The following DAB1 variants were observed in gnomAD, a reference collection of about 807,000 sequenced individuals.
The protein encoded by DAB1 is disabled homolog 1.
A neutral mutation model predicts 64.6 loss-of-function variants in DAB1; 15 were observed. That is an observed-to-expected ratio of 0.23 (90% confidence interval 0.16 to 0.36). The LOEUF (loss-of-function observed/expected upper bound fraction) is 0.36. Ranked by LOEUF, DAB1 falls within the 10% of genes least tolerant of loss-of-function variation. The probability of loss-of-function intolerance (pLI) is 1.00; values close to 1 mark genes in which losing one functional copy is unlikely to be tolerated. For missense variants in DAB1, 596 were observed against 706.7 expected, an observed-to-expected ratio of 0.84 and a Z score of 1.78; for synonymous variants, 235 against 251.9, an observed-to-expected ratio of 0.93 and a Z score of 0.64.
At chr1:57,005,334 C>G (rs1040333414) in intron 14 of DAB1, among the ~76,000 whole-genome samples, 5 of 152,206 alleles carry the variant, frequency 3.3e-5, no homozygotes, top group Admixed American at 1.3e-4. Flanking sequence ...CACTAATTAT[C>G]TACCATAAGC....
chr1:57,121,946 C>T (rs891207120), intron 4 of DAB1, among the ~76,000 whole-genome samples: 5 of 151,974 alleles, frequency 3.3e-5, no homozygotes, highest in East Asian at 1.9e-4. Flanking sequence ...GGGGGTCAGC[C>T]GGAGATGAGG....
intron 4 of DAB1, among the ~76,000 whole-genome samples, chr1:58,159,080 T>TGA (rs1655372411): frequency 6.6e-6 from 1 of 152,240 alleles, no homozygotes. Context: ...CCCTTGCTAG[T>TGA]GAGCTCAAGC....
intron 1 of DAB1, among the ~76,000 whole-genome samples, chr1:57,881,219 T>C: frequency 6.6e-6 from 1 of 152,216 alleles, no homozygotes; most frequent in East Asian, 1.9e-4. Flanking sequence ...AGTCTCTCCC[T>C]ATCCTAGGGA....
chr1:58,246,664 T>C (rs1032209114), intron 4 of DAB1, among the ~76,000 whole-genome samples: 3 of 152,094 alleles, frequency 2.0e-5, no homozygotes, highest in Non-Finnish European at 4.4e-5. Context: ...GATGTAGGTG[T>C]AATGCTGTGT....
intron 3 of DAB1, among the ~76,000 whole-genome samples, chr1:57,137,931 T>C (rs1658271206): frequency 6.6e-6 from 1 of 152,158 alleles, no homozygotes; most frequent in African/African-American, 2.4e-5. Context: ...TACTCCTGGT[T>C]CTGTATAATC....
chr1:58,469,932 A>G (rs1645337742), intron 3 of DAB1, among the ~76,000 whole-genome samples: 2 of 152,036 alleles, frequency 1.3e-5, no homozygotes, highest in African/African-American at 2.4e-5. Flanking sequence ...CAGCTTCCAC[A>G]GACATCAGGA....
chr1:57,404,448 T>G (rs549362003), intron 1 of DAB1, among the ~76,000 whole-genome samples: 83 of 152,312 alleles, frequency 5.4e-4, no homozygotes, highest in Non-Finnish European at 1.1e-3. Context: ...AAATTAAGAC[T>G]TGGCAAGATT....
At chr1:58,342,764 C>G (rs951787461) in intron 4 of DAB1, among the ~76,000 whole-genome samples, 2 of 152,126 alleles carry the variant, frequency 1.3e-5, no homozygotes, top group African/African-American at 4.8e-5. Context: ...ATTGATTTCA[C>G]CTCCTTTTTA....
At chr1:58,265,594 A>G (rs1032708835) in intron 4 of DAB1, among the ~76,000 whole-genome samples, 2 of 152,258 alleles carry the variant, frequency 1.3e-5, no homozygotes, top group African/African-American at 4.8e-5. Context: ...ATATTACATG[A>G]AAGAATATTA....
chr1:57,225,509 A>G (rs1667196581), intron 2 of DAB1, among the ~76,000 whole-genome samples: 1 of 152,134 alleles, frequency 6.6e-6, no homozygotes, highest in African/African-American at 2.4e-5. Flanking sequence ...ATACATCACA[A>G]CCAGGCCTAT....
intron 1 of DAB1, among the ~76,000 whole-genome samples, chr1:58,535,180 C>T (rs1387452862): frequency 6.6e-6 from 1 of 152,176 alleles, no homozygotes; most frequent in East Asian, 1.9e-4. Context: ...CTGATTAAGA[C>T]TAGCCACCAC....
chr1:57,120,510 A>G (rs1656542268), intron 4 of DAB1, among the ~76,000 whole-genome samples: 1 of 152,180 alleles, frequency 6.6e-6, no homozygotes, highest in African/African-American at 2.4e-5. Context: ...GTTCAGTGGC[A>G]TTAAGTACAT....
At chr1:57,612,795 C>A (rs7532306) in intron 7 of DAB1, among the ~76,000 whole-genome samples, 107,256 of 152,064 alleles carry the variant, frequency 0.71, 39,791 homozygotes, top group Non-Finnish European at 0.81. Flanking sequence ...TCCCCACCCC[C>A]CAACTAGAAT....
intron 1 of DAB1, among the ~76,000 whole-genome samples, chr1:57,306,657 G>A (rs1348697118): frequency 1.3e-5 from 2 of 151,534 alleles, no homozygotes; most frequent in Non-Finnish European, 2.9e-5. Flanking sequence ...ATTTCTGCTT[G>A]CCAAGTACAA....
chr1:57,320,967 A>G (rs1202454987), intron 1 of DAB1, among the ~76,000 whole-genome samples: 1 of 152,188 alleles, frequency 6.6e-6, no homozygotes, highest in East Asian at 1.9e-4. Context: ...TGCTGCCTCA[A>G]TTATGTAAAG....
At position 57,664,862 on chromosome 1, in the gene DAB1, A is replaced by G. The variant is rs1249540056; in HGVS notation, n.552-15197T>C. On this transcript the variant is annotated intron_variant and non_coding_transcript_variant, in intron 6 of 20. Transcript: ENST00000485760. ...TGCATAATGATGAGCCTACTTTTGT[A>G]AAAAGTACTTAAGTATGTAAGAAAA... 2.0e-5 allele frequency among the ~76,000 whole-genome samples: 3 copies of G among 152,084 alleles called. No individual in the cohort carries two copies. The East Asian group carries it at 5.8e-4, about 29-fold the overall frequency.
intron 3 of DAB1, among the ~76,000 whole-genome samples, chr1:58,416,262 C>G (rs996245921): frequency 9.2e-5 from 14 of 152,248 alleles, no homozygotes; most frequent in African/African-American, 3.4e-4. Context: ...TCACACAGAC[C>G]AGGGTTCAAG....
chr1:57,042,717 A>G (rs1023318714), intron 9 of DAB1, among the ~76,000 whole-genome samples: 2 of 152,208 alleles, frequency 1.3e-5, no homozygotes, highest in African/African-American at 4.8e-5. Context: ...TTCTTTATAT[A>G]ATACAATAGA....
chr1:57,146,070 T>C (rs1034461004), intron 2 of DAB1, among the ~76,000 whole-genome samples: 21 of 152,234 alleles, frequency 1.4e-4, no homozygotes, highest in African/African-American at 5.1e-4. Flanking sequence ...ATTATTAAGA[T>C]AATATTTTGC....
Sources: gnomAD v4.1 joint callset for allele counts (sites outside exome capture counted in the v4.1 genomes callset) on GRCh38, gnomAD v4.1.1 for gene constraint, MANE v1.5 for transcripts, NCBI Gene and HGNC (gene_info 2026-07-23, HGNC 2026-07-21) for gene names.